Variants in RFX3 observed in about 807,000 individuals in gnomAD.
The protein encoded by RFX3 is transcription factor RFX3.
Under a neutral mutation model 98.6 loss-of-function variants are expected in RFX3, and 14 were observed. The ratio of observed to expected loss-of-function variants is 0.14; its 90% confidence interval spans 0.09 to 0.22. The LOEUF (loss-of-function observed/expected upper bound fraction) is 0.22, where lower values mean the gene tolerates loss of function less well. RFX3 is among the 10% of genes least tolerant of loss of function. RFX3 has a pLI of 1.00. For missense variants in RFX3, 639 were observed against 926.9 expected (o/e 0.69, Z 4.03); for synonymous variants, 383 against 328.4 (o/e 1.17, Z -1.80).
chr9:3,275,455 T>A, intron 9 of RFX3, 45 bp downstream of exon 9: 2 of 1,096,928 alleles, frequency 1.8e-6, no homozygotes, highest in South Asian at 2.6e-5. Flanking sequence ...GCAAGTTATC[T>A]GGCAAAACCT....
intron 2 of RFX3, among the ~76,000 whole-genome samples, chr9:3,366,682 CTTCTTTCTTTCCTTTCT>C (rs1289532303): frequency 2.7e-4 from 19 of 69,970 alleles, no homozygotes; most frequent in Admixed American, 2.6e-3. Flanking sequence ...CTCTTTCTTT[CTTCTTTCTTTCCTTTCT>C]TTCTTTCTTT....
At chr9:3,301,311 ATAT>A (rs1828628731) in intron 5 of RFX3, among the ~76,000 whole-genome samples, 2 of 151,896 alleles carry the variant, frequency 1.3e-5, no homozygotes, top group Non-Finnish European at 2.9e-5. Flanking sequence ...TAACTCGAAA[ATAT>A]TATATCTGTA....
At position 3,344,856 on chromosome 9, in the gene RFX3, A is replaced by G. The variant is rs746117014; in HGVS notation, c.215+1811T>C. 2.4e-5 allele frequency: 17 copies of G among 715,966 alleles called. No individual in the cohort carries two copies. The South Asian group carries it at 2.4e-4, about 10-fold the overall frequency. The allele number at this position is 715,966 out of a possible 1,614,324, so 44.4% of individuals were successfully genotyped here. A position where few individuals can be genotyped will look rare whatever the true frequency, so the allele number is the denominator to read the frequency against. ...TTTAAGTTTATGGTGAAGATTCCAA[A>G]ATCATGCTCCAGGGGGCCCTGGACC... On this transcript the variant is annotated intron_variant, in intron 3 of 16. Transcript: ENST00000617270.
chr9:3,409,745 G>C (rs978824225), intron 1 of RFX3, among the ~76,000 whole-genome samples: 1 of 152,148 alleles, frequency 6.6e-6, no homozygotes, highest in African/African-American at 2.4e-5. Flanking sequence ...TTTTCTTTTG[G>C]TGAAGGAGTA....
At chr9:3,445,723 C>T (rs10972080) in intron 1 of RFX3, among the ~76,000 whole-genome samples, 33,306 of 151,778 alleles carry the variant, frequency 0.22, 6,416 homozygotes, top group African/African-American at 0.52. Flanking sequence ...CTTGTCAACG[C>T]GATCGATAGG....
At chr9:3,422,653 T>G (rs1307613805) in intron 1 of RFX3, among the ~76,000 whole-genome samples, 1 of 152,206 alleles carries the variant, frequency 6.6e-6, no homozygotes, top group Non-Finnish European at 1.5e-5. Flanking sequence ...GGCTTATTAT[T>G]TTACAGTTTT....
intron 2 of RFX3, among the ~76,000 whole-genome samples, chr9:3,377,988 A>G (rs1838737947): frequency 6.6e-6 from 1 of 152,214 alleles, no homozygotes; most frequent in Non-Finnish European, 1.5e-5. Flanking sequence ...TACACTTTAC[A>G]AAACATACAA....
Position 3,459,242 on chromosome 9 carries a change from C to T in RFX3, c.-8-63646G>A, listed in dbSNP as rs981911335. Reference sequence around the variant, plus strand: ...GCAATGAGCCAACACTTTTAAATTTCATCAAGCTCTAGTGCCAGGTGACAA... The same window carrying T: ...GCAATGAGCCAACACTTTTAAATTTTATCAAGCTCTAGTGCCAGGTGACAA... On this transcript the variant is annotated intron_variant, in intron 1 of 16. Coordinates refer to ENST00000617270, the MANE Select transcript of RFX3 (RefSeq NM_001282116.2). Among the ~76,000 whole-genome samples the T allele has an allele frequency of 3.3e-5, 5 of 152,292 alleles. 1 individual carries two copies. In the South Asian group the frequency reaches 1.0e-3, roughly 32 times the overall value.
At chr9:3,325,474 C>T (rs1831802430) in intron 4 of RFX3, among the ~76,000 whole-genome samples, 2 of 152,050 alleles carry the variant, frequency 1.3e-5, no homozygotes, top group South Asian at 4.2e-4. Flanking sequence ...TTTTCTTGTG[C>T]CTCTTGGCTG....
At chr9:3,435,450 C>T (rs1845039451) in intron 1 of RFX3, among the ~76,000 whole-genome samples, 1 of 151,806 alleles carries the variant, frequency 6.6e-6, no homozygotes, top group South Asian at 2.1e-4. Context: ...TTAACCTAGG[C>T]CTACATAGGC....
intron 1 of RFX3, among the ~76,000 whole-genome samples, chr9:3,511,758 G>A (rs1817683104): frequency 6.6e-6 from 1 of 151,976 alleles, no homozygotes; most frequent in South Asian, 2.1e-4. Context: ...TCAAATATGG[G>A]CTACTGTCCC....
intron 15 of RFX3, among the ~76,000 whole-genome samples, chr9:3,245,253 T>C (rs781128250): frequency 7.2e-5 from 11 of 152,160 alleles, no homozygotes; most frequent in Non-Finnish European, 1.0e-4. Context: ...AAGTAGGAGT[T>C]AGAATGGGCA....
chr9:3,483,340 T>A (rs1374105545), intron 1 of RFX3, among the ~76,000 whole-genome samples: 1 of 152,242 alleles, frequency 6.6e-6, no homozygotes, highest in Non-Finnish European at 1.5e-5. Flanking sequence ...GTCCAATCTA[T>A]AATAACAATA....
At chr9:3,256,301 T>A (rs777756840) in intron 14 of RFX3, among the ~76,000 whole-genome samples, 5 of 151,542 alleles carry the variant, frequency 3.3e-5, no homozygotes, top group Non-Finnish European at 5.9e-5. Flanking sequence ...ACCAAGATTT[T>A]GATTTAGTAG....
At chr9:3,470,415 C>A (rs542574838) in intron 1 of RFX3, among the ~76,000 whole-genome samples, 1 of 151,490 alleles carries the variant, frequency 6.6e-6, no homozygotes, top group East Asian at 1.9e-4. Flanking sequence ...ACCGGGTTCA[C>A]GCCATTCTCC....
chr9:3,493,701 ATATATATAT>A (rs1384861039), intron 1 of RFX3, among the ~76,000 whole-genome samples: 14 of 89,640 alleles, frequency 1.6e-4, no homozygotes, highest in Admixed American at 3.5e-4. Context: ...AAAAAAAAAA[ATATATATAT>A]ATATATATAT....
intron 15 of RFX3, among the ~76,000 whole-genome samples, chr9:3,234,814 G>C (rs1242639066): frequency 1.3e-5 from 2 of 152,214 alleles, no homozygotes; most frequent in Non-Finnish European, 2.9e-5. Flanking sequence ...CTCATTAACA[G>C]TGAAGGGAAC....
Position 3,219,886 on chromosome 9 carries a change from T to C in RFX3, c.*5156A>G, listed in dbSNP as rs920707634. 2 of 152,220 alleles carry C rather than the reference T, an allele frequency of 1.3e-5. No individual in the cohort carries two copies. Among genetic ancestry groups the C allele is most frequent in the African/African-American group, 4.8e-5 (2 of 41,444 alleles). The allele number at this position is 152,220 out of a possible 1,614,324, so 9.4% of individuals were successfully genotyped here. ...CACCAGACATCAGAATAGGTTACAC[T>C]CTTATTTGCACCCAGCTAGGGCAGC... On this transcript the variant is annotated 3_prime_UTR_variant, in exon 17 of 17. Coordinates refer to ENST00000617270, the MANE Select transcript of RFX3 (RefSeq NM_001282116.2).
At chr9:3,257,896 T>C (rs1174165490) in intron 13 of RFX3, among the ~76,000 whole-genome samples, 4 of 152,192 alleles carry the variant, frequency 2.6e-5, no homozygotes, top group African/African-American at 7.2e-5. Context: ...ATTGCAATTT[T>C]CCTTCTGGTT....
Sources: allele counts gnomAD v4.1 joint callset (sites outside exome capture counted in the v4.1 genomes callset), GRCh38; gene constraint gnomAD v4.1.1; transcripts MANE v1.5; gene names NCBI Gene and HGNC (gene_info 2026-07-23, HGNC 2026-07-21).